Variants in SNX25 observed in about 807,000 individuals in gnomAD.
SNX25 encodes the protein sorting nexin 25, also known as sorting nexin-25.
A neutral mutation model predicts 113.7 loss-of-function variants in SNX25; 62 were observed. That is an observed-to-expected ratio of 0.55 (90% confidence interval 0.44 to 0.67). The LOEUF is 0.67. Among genes scored for constraint, SNX25 ranks in the 30% least tolerant of loss-of-function variants. SNX25 has a pLI of 0.00. For missense variants in SNX25, 1,014 were observed against 1,161.0 expected (o/e 0.87, Z 1.84); for synonymous variants, 421 against 436.2 (o/e 0.97, Z 0.43).
At chr4:185,373,625 TG>T (rs1387475128), downstream of SNX25, among the ~76,000 whole-genome samples, 2 of 152,196 alleles carry the variant, frequency 1.3e-5, no homozygotes, top group Non-Finnish European at 2.9e-5. Flanking sequence ...TGGCCTTAGT[TG>T]TTATGTGTCT....
chr4:185,286,821 A>G (rs576978372), intron 5 of SNX25, among the ~76,000 whole-genome samples: 6 of 152,334 alleles, frequency 3.9e-5, no homozygotes, highest in African/African-American at 1.4e-4. Context: ...ACTGATGTTT[A>G]TATTATCCAA....
intron 1 of SNX25, among the ~76,000 whole-genome samples, chr4:185,243,861 TAA>T (rs1173112702): frequency 6.6e-6 from 1 of 152,088 alleles, no homozygotes. Flanking sequence ...AATAAAAAAT[TAA>T]AAGTTTTGAA....
At chr4:185,316,054 A>G (rs2095071655) in intron 7 of SNX25, among the ~76,000 whole-genome samples, 1 of 152,248 alleles carries the variant, frequency 6.6e-6, no homozygotes, top group Admixed American at 6.5e-5. Flanking sequence ...AAGATAATAA[A>G]CAGATCCATC....
intron 2 of SNX25, among the ~76,000 whole-genome samples, chr4:185,252,504 C>T (rs532267336): frequency 6.6e-6 from 1 of 152,228 alleles, no homozygotes; most frequent in African/African-American, 2.4e-5. Context: ...GAAATACTTA[C>T]CTAAAAATCT....
intron 6 of SNX25, among the ~76,000 whole-genome samples, chr4:185,309,649 A>G (rs573171679): frequency 6.6e-6 from 1 of 152,280 alleles, no homozygotes; most frequent in East Asian, 1.9e-4. Flanking sequence ...CACTGGGTCC[A>G]GACATCCTCT....
intron 16 of SNX25, among the ~76,000 whole-genome samples, chr4:185,359,480 A>G (rs186863348): frequency 2.7e-4 from 41 of 152,172 alleles, no homozygotes; most frequent in African/African-American, 7.9e-4. Flanking sequence ...TTTTGTATTG[A>G]CAAGCCTTAG....
In SNX25 at chr4:185,264,428, CTTTA is replaced by C. The variant is rs772606004; in HGVS notation, c.732-5_732-2del. 5 of 1,609,510 alleles carry C rather than the reference CTTTA, an allele frequency of 3.1e-6. No individual in the cohort carries two copies. In the African/African-American group the frequency reaches 5.4e-5, roughly 17 times the overall value. On this transcript the variant is annotated splice_polypyrimidine_tract_variant and splice_region_variant and intron_variant, in intron 3 of 18. Transcript: ENST00000652585. ...AACTTCTTTCCTTCTTTTTCACTCT[CTTTA>C]TTTAGACATGAAGAACAGCCAAGAC...
chr4:185,209,622 G>A lies in SNX25; in HGVS notation c.-205G>A. On this transcript the variant is annotated 5_prime_UTR_variant, in exon 1 of 19. Coordinates refer to ENST00000652585, the MANE Select transcript of SNX25 (RefSeq NM_001378034.2). This position sits in a 1 kb window ranked among gnomAD's most constrained non-coding sequence, Gnocchi z 5.2. ...CAGTCACAACACGGTGGGGCTCCCT[G>A]GCTGCGCCCGGCCCGGCAGCTACGG... 1.8e-6 allele frequency: 1 copy of A among 543,606 alleles called. No homozygotes were observed. Among genetic ancestry groups the A allele is most frequent in the Non-Finnish European group, 2.3e-6 (1 of 426,104 alleles). 33.7% of individuals were successfully genotyped at this position (543,606 alleles called of 1,614,324 possible).
At chr4:185,208,994 C>A (rs966694830), upstream of SNX25, among the ~76,000 whole-genome samples, 24 of 152,236 alleles carry the variant, frequency 1.6e-4, no homozygotes, top group African/African-American at 4.8e-4. Flanking sequence ...TGGTAAAAAA[C>A]AAAAAACAAA....
At chr4:185,241,346 C>T (rs1012264307) in intron 1 of SNX25, among the ~76,000 whole-genome samples, 315 of 151,718 alleles carry the variant, frequency 2.1e-3, no homozygotes, top group African/African-American at 5.5e-3. Context: ...GGCGTGGCGG[C>T]GCGCGCCTGC....
intron 5 of SNX25, among the ~76,000 whole-genome samples, chr4:185,271,159 T>C (rs1429187494): frequency 6.6e-6 from 1 of 152,170 alleles, no homozygotes; most frequent in Non-Finnish European, 1.5e-5. Context: ...GTTCTGTATG[T>C]TGTATATTCC....
intron 1 of SNX25, among the ~76,000 whole-genome samples, chr4:185,222,247 C>G (rs74796676): frequency 5.2e-5 from 1 of 19,324 alleles, no homozygotes. Context: ...CCCTCCTTCG[C>G]GGTAGGTATA....
At chr4:185,225,263 C>T (rs1350196888) in intron 1 of SNX25, among the ~76,000 whole-genome samples, 2 of 152,000 alleles carry the variant, frequency 1.3e-5, no homozygotes, top group Admixed American at 6.6e-5. Flanking sequence ...GAACTATAGG[C>T]GCCCACTACT....
chr4:185,295,898 C>T (rs192975959), intron 6 of SNX25: 60 of 152,240 alleles, frequency 3.9e-4, no homozygotes, highest in African/African-American at 1.2e-3. Context: ...AGGGGTTAAC[C>T]GCTGTCTCGC....
At chr4:185,298,707 C>G (rs144503454) in intron 6 of SNX25, among the ~76,000 whole-genome samples, 52 of 152,230 alleles carry the variant, frequency 3.4e-4, no homozygotes, top group African/African-American at 1.2e-3. Context: ...GCCTTGTATT[C>G]TTTGCACATT....
chr4:185,293,880 C>T (rs1752509806), intron 6 of SNX25, among the ~76,000 whole-genome samples: 1 of 151,908 alleles, frequency 6.6e-6, no homozygotes, highest in Non-Finnish European at 1.5e-5. Context: ...CGTTTATAAA[C>T]AGAAAATGAA....
chr4:185,297,748 A>T (rs779104513), intron 6 of SNX25, among the ~76,000 whole-genome samples: 8 of 152,096 alleles, frequency 5.3e-5, no homozygotes, highest in Non-Finnish European at 1.2e-4. Flanking sequence ...AGTGGGGAGA[A>T]GGAGAATTCT....
intron 12 of SNX25, among the ~76,000 whole-genome samples, chr4:185,343,930 C>T (rs2095272493): frequency 6.6e-6 from 1 of 152,096 alleles, no homozygotes; most frequent in Non-Finnish European, 1.5e-5. Flanking sequence ...TAAAACTTTC[C>T]ACCCTCAGCC....
chr4:185,260,483 A>G (rs1024231415), intron 3 of SNX25, among the ~76,000 whole-genome samples: 1 of 152,206 alleles, frequency 6.6e-6, no homozygotes, highest in Non-Finnish European at 1.5e-5. Context: ...TGTTTACACC[A>G]TGGAATGGGC....
Sources: allele counts gnomAD v4.1 joint callset (sites outside exome capture counted in the v4.1 genomes callset), GRCh38; gene constraint gnomAD v4.1.1; non-coding constraint Gnocchi (gnomAD v3.1); transcripts MANE v1.5; gene names NCBI Gene and HGNC (gene_info 2026-07-23, HGNC 2026-07-21).